The following CHRM3 variants were observed in gnomAD, a reference collection of about 807,000 sequenced individuals.
CHRM3 encodes the protein cholinergic receptor muscarinic 3.
Under a neutral mutation model 41.8 loss-of-function variants are expected in CHRM3, and 11 were observed. The observed-to-expected ratio is 0.26, with a 90% CI of 0.17 to 0.44. The LOEUF (loss-of-function observed/expected upper bound fraction) is 0.44, where lower values mean the gene tolerates loss of function less well. CHRM3 is among the 20% of genes least tolerant of loss of function. The pLI, the probability that CHRM3 is intolerant of heterozygous loss-of-function variation, is 1.00. For missense variants in CHRM3, 571 were observed against 745.4 expected (o/e 0.77, Z 2.72); for synonymous variants, 297 against 301.4 (o/e 0.99, Z 0.15).
At chr1:239,835,763 G>A (rs867808457) in intron 6 of CHRM3, among the ~76,000 whole-genome samples, 2 of 152,092 alleles carry the variant, frequency 1.3e-5, no homozygotes, top group Non-Finnish European at 1.5e-5. Flanking sequence ...GTGTGCACTG[G>A]GTCGCAAAGA....
chr1:239,620,925 ACTT>A (rs1453965182), intron 3 of CHRM3, among the ~76,000 whole-genome samples: 1 of 152,094 alleles, frequency 6.6e-6, no homozygotes, highest in Admixed American at 6.6e-5. Flanking sequence ...GTAGAGACAT[ACTT>A]TATTTTATTG....
At chr1:239,825,279 A>T (rs918073699) in intron 5 of CHRM3, among the ~76,000 whole-genome samples, 1 of 150,790 alleles carries the variant, frequency 6.6e-6, no homozygotes, top group African/African-American at 2.4e-5. Flanking sequence ...AGAACACCCC[A>T]TGCCTGCTCC....
At chr1:239,633,262 C>T (rs917250087) in intron 4 of CHRM3, among the ~76,000 whole-genome samples, 1 of 152,182 alleles carries the variant, frequency 6.6e-6, no homozygotes, top group Non-Finnish European at 1.5e-5. Context: ...TGAGCCACCG[C>T]ACCCAGCTAG....
chr1:239,614,302 G>T (rs1201406693), intron 3 of CHRM3, among the ~76,000 whole-genome samples: 1 of 152,148 alleles, frequency 6.6e-6, no homozygotes, highest in African/African-American at 2.4e-5. Context: ...GTGAGTTAGT[G>T]ATTAGTTACG....
chr1:239,515,999 A>G (rs1366688997), intron 2 of CHRM3, among the ~76,000 whole-genome samples: 3 of 152,166 alleles, frequency 2.0e-5, no homozygotes, highest in Non-Finnish European at 4.4e-5. Flanking sequence ...TTTTACTATC[A>G]AGAGCTTAGA....
intron 2 of CHRM3, among the ~76,000 whole-genome samples, chr1:239,519,848 C>T (rs1486210456): frequency 3.5e-5 from 5 of 143,756 alleles, no homozygotes; most frequent in Non-Finnish European, 4.5e-5. Context: ...CCCGGGTTCA[C>T]GCCATTCTCC....
intron 5 of CHRM3, among the ~76,000 whole-genome samples, chr1:239,767,005 C>T (rs1350649201): frequency 6.6e-6 from 1 of 152,192 alleles, no homozygotes; most frequent in Non-Finnish European, 1.5e-5. Context: ...AACCACCATG[C>T]TTGGCCTCAC....
intron 5 of CHRM3, among the ~76,000 whole-genome samples, chr1:239,819,657 T>C (rs1671876056): frequency 6.6e-6 from 1 of 152,188 alleles, no homozygotes; most frequent in South Asian, 2.1e-4. Flanking sequence ...GAAATGTTCA[T>C]TAAAGAAGCT....
chr1:239,616,339 G>GAGTA (rs1467253430), intron 3 of CHRM3, among the ~76,000 whole-genome samples: 1 of 152,174 alleles, frequency 6.6e-6, no homozygotes, highest in Admixed American at 6.5e-5. Flanking sequence ...ACATAACATA[G>GAGTA]AGTACATTTT....
intron 1 of CHRM3, among the ~76,000 whole-genome samples, chr1:239,451,505 G>A (rs1028446699): frequency 3.3e-5 from 5 of 152,092 alleles, no homozygotes; most frequent in African/African-American, 1.2e-4. Context: ...CAGCTCTTGT[G>A]CCTCAGTTTC....
chr1:239,574,081 G>A (rs1293919876), intron 3 of CHRM3, among the ~76,000 whole-genome samples: 1 of 152,082 alleles, frequency 6.6e-6, no homozygotes, highest in Non-Finnish European at 1.5e-5. Flanking sequence ...GCAATTGAGG[G>A]TTAGTCTTTT....
intron 6 of CHRM3, among the ~76,000 whole-genome samples, chr1:239,870,694 A>G (rs1447348457): frequency 6.6e-6 from 1 of 152,186 alleles, no homozygotes; most frequent in African/African-American, 2.4e-5. Context: ...GCTTGTATTC[A>G]TGGAATAGCT....
At chr1:239,486,650 T>C (rs1251645676) in intron 1 of CHRM3, among the ~76,000 whole-genome samples, 1 of 152,086 alleles carries the variant, frequency 6.6e-6, no homozygotes, top group African/African-American at 2.4e-5. Flanking sequence ...AAGAGTGTGA[T>C]TGTGTTCTAA....
intron 1 of CHRM3, among the ~76,000 whole-genome samples, chr1:239,432,861 A>AT (rs2103184465): frequency 6.6e-6 from 1 of 152,174 alleles, no homozygotes; most frequent in Non-Finnish European, 1.5e-5. Context: ...GGGTTCTTTT[A>AT]TTTTTGAATA....
chr1:239,659,900 T>G (rs966435248), intron 4 of CHRM3, among the ~76,000 whole-genome samples: 2 of 152,208 alleles, frequency 1.3e-5, no homozygotes, highest in African/African-American at 4.8e-5. Flanking sequence ...CAAATATCTA[T>G]CATTTGCAAA....
intron 1 of CHRM3, among the ~76,000 whole-genome samples, chr1:239,481,859 T>A (rs1396074175): frequency 2.0e-5 from 3 of 151,968 alleles, no homozygotes; most frequent in African/African-American, 7.2e-5. Flanking sequence ...TTGGGGGAAA[T>A]AATGAACTGG....
At chr1:239,519,879 C>G (rs1465152708) in intron 2 of CHRM3, among the ~76,000 whole-genome samples, 5 of 150,556 alleles carry the variant, frequency 3.3e-5, no homozygotes, top group Non-Finnish European at 1.5e-5. Context: ...TCCCTAGTAG[C>G]TGGGACCACA....
chr1:239,782,045 G>A (rs1668544126), intron 5 of CHRM3, among the ~76,000 whole-genome samples: 1 of 152,000 alleles, frequency 6.6e-6, no homozygotes, highest in South Asian at 2.1e-4. Context: ...TTGCATCTAT[G>A]TTCTTAAGCA....
In CHRM3 at chr1:239,387,472, G is replaced by GGT. The variant is rs1195431446; in HGVS notation, c.-521+247_-521+248dup. ...GCGGAGTTGGAGTTCTGGGACTGAGGGTGGGGAACGCCCGCTGGCACTCAA... is the reference window on the plus strand; with the variant it reads ...GCGGAGTTGGAGTTCTGGGACTGAGGGTGTGGGGAACGCCCGCTGGCACTCAA... On this transcript the variant is annotated intron_variant, in intron 1 of 6. Coordinates refer to ENST00000676153, the MANE Select transcript of CHRM3 (RefSeq NM_001375978.1). This position sits in a 1 kb window ranked among gnomAD's most constrained non-coding sequence, Gnocchi z 5.1. Among the ~76,000 whole-genome samples, 1 of 152,002 alleles carries GGT rather than the reference G, an allele frequency of 6.6e-6. No homozygotes were observed. The highest frequency in any genetic ancestry group is 1.5e-5 in the Non-Finnish European group (1 of 68,002).
Sources: gnomAD v4.1 joint callset for allele counts (sites outside exome capture counted in the v4.1 genomes callset) on GRCh38, gnomAD v4.1.1 for gene constraint, Gnocchi (gnomAD v3.1) non-coding constraint, MANE v1.5 for transcripts, NCBI Gene and HGNC (gene_info 2026-07-23, HGNC 2026-07-21) for gene names.